RCOR3: variants seen among roughly 807,000 people sequenced by gnomAD.
RCOR3 encodes the protein REST corepressor 3.
Under a neutral mutation model 64.1 loss-of-function variants are expected in RCOR3, and 13 were observed. The observed-to-expected ratio is 0.20, with a 90% CI of 0.13 to 0.32. The LOEUF is 0.32. Ranked by LOEUF, RCOR3 falls within the 10% of genes least tolerant of loss-of-function variation. The pLI is 1.00. For synonymous variants in RCOR3, 215 were observed against 239.0 expected, an observed-to-expected ratio of 0.90 and a Z score of 0.93; for missense variants, 489 against 701.2, an observed-to-expected ratio of 0.70 and a Z score of 3.42.
chr1:211,272,612 C>CCTTTT (rs1696369329), intron 3 of RCOR3, among the ~76,000 whole-genome samples: 2 of 43,514 alleles, frequency 4.6e-5, no homozygotes, highest in Admixed American at 9.3e-4. Context: ...GGATGTCTTA[C>CCTTTT]TTTTTTTTTT....
In RCOR3 at chr1:211,313,576, T is replaced by G; in HGVS notation, c.1470T>G (p.Pro490=). 2 of 1,614,040 alleles carry G rather than the reference T, an allele frequency of 1.2e-6. No individual in the cohort carries two copies. The highest frequency in any genetic ancestry group is 1.7e-6 in the Non-Finnish European group (2 of 1,180,014). Residue 490 remains proline (P), a synonymous_variant, in exon 12 of 12, where the codon CCT becomes CCG. Coordinates refer to ENST00000419091, the MANE Select transcript of RCOR3 (RefSeq NM_001136223.3). This position sits in a 1 kb window ranked among gnomAD's most constrained non-coding sequence, Gnocchi z 4.7. Reference sequence around the variant, plus strand: ...CTGCCCCGGCTCTTCACCGGCAGCCTCCTCCACTCCAGCAGCAGGCTCGGT... The same window carrying G: ...CTGCCCCGGCTCTTCACCGGCAGCCGCCTCCACTCCAGCAGCAGGCTCGGT... ...LPAAPALHRQ[P]PPLQQQARFI...
chr1:211,301,093 G>A (rs1251327849), intron 9 of RCOR3, among the ~76,000 whole-genome samples: 1 of 150,798 alleles, frequency 6.6e-6, no homozygotes, highest in Non-Finnish European at 1.5e-5. Context: ...GAGTAATCTT[G>A]AAAAAAAAAT....
intron 2 of RCOR3, 88 bp downstream of exon 2, chr1:211,260,252 G>T: frequency 8.0e-7 from 1 of 1,245,306 alleles, no homozygotes; most frequent in Non-Finnish European, 1.2e-6. Context: ...GCATGGGGCC[G>T]GGAGGGGATG....
chr1:211,289,899 G>T (rs1192615328), intron 8 of RCOR3, among the ~76,000 whole-genome samples: 1 of 152,068 alleles, frequency 6.6e-6, no homozygotes, highest in African/African-American at 2.4e-5. Flanking sequence ...TTCTAACCCT[G>T]GCTATACCAT....
chr1:211,291,366 G>A (rs1211563228), intron 8 of RCOR3, among the ~76,000 whole-genome samples: 2 of 152,166 alleles, frequency 1.3e-5, no homozygotes, highest in Non-Finnish European at 2.9e-5. Context: ...GGTCATTGGA[G>A]CATTTTGGAT....
chr1:211,275,009 GAT>G (rs1394284073), intron 4 of RCOR3, among the ~76,000 whole-genome samples: 14 of 150,936 alleles, frequency 9.3e-5, no homozygotes, highest in Non-Finnish European at 1.8e-4. Context: ...GTATTTATAT[GAT>G]GTTTATTATG....
In RCOR3 at chr1:211,267,277, C is replaced by A. The variant is rs116941935; in HGVS notation, c.224-3955C>A. On this transcript the variant is annotated intron_variant, in intron 2 of 11. Transcript: ENST00000419091. ...GCTACCAAGTAGCAGAGCTGGTATT[C>A]AGACTCTGGGAGTTGGGCTTCGTAG... is the stretch of plus-strand genomic sequence containing the variant. Among the ~76,000 whole-genome samples, 197 of 152,276 alleles carry A rather than the reference C, an allele frequency of 1.3e-3. 3 individuals are homozygous for A. The East Asian group carries it at 0.032, about 25-fold the overall frequency.
chr1:211,293,428 C>T (rs1699481715), intron 8 of RCOR3, among the ~76,000 whole-genome samples: 2 of 152,198 alleles, frequency 1.3e-5, no homozygotes, highest in Non-Finnish European at 2.9e-5. Flanking sequence ...CACCTTAGGG[C>T]TTTTCTGTCT....
chr1:211,270,300 T>A (rs1202774771), intron 2 of RCOR3, among the ~76,000 whole-genome samples: 1 of 152,148 alleles, frequency 6.6e-6, no homozygotes, highest in Non-Finnish European at 1.5e-5. Flanking sequence ...TGACCTCAGG[T>A]GATCCGCCTG....
At chr1:211,296,691 G>T (rs1271173456) in intron 9 of RCOR3, among the ~76,000 whole-genome samples, 2 of 152,088 alleles carry the variant, frequency 1.3e-5, no homozygotes, top group African/African-American at 2.4e-5. Flanking sequence ...TTTCAAGAAG[G>T]TTAGGTTATG....
chr1:211,287,501 T>A (rs144147716), intron 7 of RCOR3, among the ~76,000 whole-genome samples: 4 of 152,228 alleles, frequency 2.6e-5, no homozygotes, highest in Non-Finnish European at 5.9e-5. Context: ...ATTTTAGTAG[T>A]GCCCTACTGG....
intron 3 of RCOR3, chr1:211,271,695 G>T: frequency 2.9e-6 from 1 of 344,538 alleles, no homozygotes; most frequent in Non-Finnish European, 5.8e-6. Context: ...CCATTTTAAA[G>T]AGGAAAGGGG....
chr1:211,259,820 TC>T, intron 1 of RCOR3, 94 bp downstream of exon 1: 1 of 771,162 alleles, frequency 1.3e-6, no homozygotes, highest in Non-Finnish European at 1.6e-6. Context: ...CCGCCCTCCC[TC>T]CCCTCAGAGC....
At chr1:211,260,614 C>T (rs2102404248) in intron 2 of RCOR3, among the ~76,000 whole-genome samples, 1 of 152,338 alleles carries the variant, frequency 6.6e-6, no homozygotes, top group African/African-American at 2.4e-5. Context: ...CTGTCACCGG[C>T]CGGGGAAGCC....
chr1:211,281,297 C>A lies in RCOR3; in HGVS notation c.720+1981C>A, dbSNP rs942703520. Among the ~76,000 whole-genome samples, 69 of 152,256 alleles carry A rather than the reference C, an allele frequency of 4.5e-4. 1 individual carries two copies. Among genetic ancestry groups the A allele is most frequent in the African/African-American group, 1.6e-3 (65 of 41,564 alleles). On this transcript the variant is annotated intron_variant, in intron 7 of 11. Coordinates refer to ENST00000419091, the MANE Select transcript of RCOR3 (RefSeq NM_001136223.3). ...CAATTTTAGTGGCATCTTTTTCTTA[C>A]TCTATTCCTTTTATCATTATTCTTT...
intron 2 of RCOR3, among the ~76,000 whole-genome samples, chr1:211,270,252 G>A (rs144429221): frequency 6.8e-4 from 103 of 151,886 alleles, no homozygotes; most frequent in African/African-American, 2.4e-3. Flanking sequence ...TAGTAGAGAC[G>A]GGATTTCACT....
intron 2 of RCOR3, chr1:211,261,128 T>C (rs1694198012): frequency 6.6e-6 from 1 of 152,250 alleles, no homozygotes; most frequent in Non-Finnish European, 1.5e-5. Context: ...TTGTCAATTT[T>C]TGCCCAGTGC....
At chr1:211,277,470 G>C (rs2102503307) in intron 5 of RCOR3, among the ~76,000 whole-genome samples, 1 of 152,190 alleles carries the variant, frequency 6.6e-6, no homozygotes, top group South Asian at 2.1e-4. Flanking sequence ...ACCATTTTAA[G>C]ACCTGGATTT....
intron 6 of RCOR3, 89 bp downstream of exon 6, chr1:211,278,330 C>A: frequency 7.4e-7 from 1 of 1,359,134 alleles, no homozygotes; most frequent in Non-Finnish European, 1.0e-6. Flanking sequence ...TATCACAACA[C>A]ATTGTAAATA....
Sources: gnomAD v4.1 joint callset for allele counts (sites outside exome capture counted in the v4.1 genomes callset) on GRCh38, gnomAD v4.1.1 for gene constraint, Gnocchi (gnomAD v3.1) non-coding constraint, MANE v1.5 for transcripts, NCBI Gene and HGNC (gene_info 2026-07-23, HGNC 2026-07-21) for gene names.